SH3GL3: variants seen among roughly 807,000 people sequenced by gnomAD.
SH3GL3 encodes SH3 domain containing GRB2 like 3, endophilin A3, also known as endophilin-A3.
Under a neutral mutation model 47.7 loss-of-function variants are expected in SH3GL3, and 33 were observed. That is an observed-to-expected ratio of 0.69 (90% CI 0.52 to 0.92). The LOEUF is 0.92. Ranked by LOEUF, SH3GL3 falls within the 40% of genes least tolerant of loss-of-function variation. The pLI is 0.00. For missense variants in SH3GL3, 363 were observed against 417.8 expected (o/e 0.87, Z 1.14); for synonymous variants, 155 against 148.8 (o/e 1.04, Z -0.30).
chr15:83,475,380 G>A (rs911866043), intron 1 of SH3GL3, among the ~76,000 whole-genome samples: 2 of 152,012 alleles, frequency 1.3e-5, no homozygotes, highest in Non-Finnish European at 2.9e-5. Flanking sequence ...TCGGGAGGCC[G>A]AGACAGGAGA....
chr15:83,608,213 C>T (rs961246760), intron 8 of SH3GL3, among the ~76,000 whole-genome samples: 4 of 152,114 alleles, frequency 2.6e-5, no homozygotes, highest in Admixed American at 2.6e-4. Flanking sequence ...TGGATAAATA[C>T]AGGGCTGTTA....
intron 8 of SH3GL3, among the ~76,000 whole-genome samples, chr15:83,600,689 A>G (rs1383636476): frequency 2.0e-5 from 3 of 152,044 alleles, no homozygotes; most frequent in South Asian, 2.1e-4. Flanking sequence ...TTTTGGTTTC[A>G]TATGAATTTT....
downstream of SH3GL3, among the ~76,000 whole-genome samples, chr15:83,620,655 C>T (rs1374816739): frequency 6.6e-6 from 1 of 152,192 alleles, no homozygotes; most frequent in Non-Finnish European, 1.5e-5. Flanking sequence ...GGCTTTGTTC[C>T]ATTTATAGAG....
intron 1 of SH3GL3, among the ~76,000 whole-genome samples, chr15:83,486,977 C>T (rs1377964789): frequency 1.3e-5 from 2 of 152,154 alleles, no homozygotes; most frequent in Non-Finnish European, 2.9e-5. Context: ...ACTTGTCCCT[C>T]TTCTAAACCT....
intron 8 of SH3GL3, among the ~76,000 whole-genome samples, chr15:83,595,829 T>C (rs2060223871): frequency 6.6e-6 from 1 of 152,162 alleles, no homozygotes; most frequent in Non-Finnish European, 1.5e-5. Context: ...ATATAGAATT[T>C]GTAGTGATTT....
intron 1 of SH3GL3, among the ~76,000 whole-genome samples, chr15:83,457,001 C>G (rs574974272): frequency 1.3e-5 from 2 of 152,266 alleles, no homozygotes; most frequent in South Asian, 2.1e-4. Flanking sequence ...TGGTACCTCA[C>G]CAATAAAAAT....
chr15:83,475,266 C>T (rs1182346297), intron 1 of SH3GL3, among the ~76,000 whole-genome samples: 3 of 151,764 alleles, frequency 2.0e-5, no homozygotes, highest in African/African-American at 7.3e-5. Context: ...TCACATGAGG[C>T]CAGGAGTTCG....
chr15:83,628,728 CAGAGCG>C, the SH3GL3 span, among the ~76,000 whole-genome samples: 2 of 152,122 alleles, frequency 1.3e-5, no homozygotes, highest in African/African-American at 4.8e-5. Context: ...CCCTGGGTGA[CAGAGCG>C]AGACTCAGTC....
At chr15:83,525,640 G>T (rs1338231129) in intron 1 of SH3GL3, among the ~76,000 whole-genome samples, 1 of 152,058 alleles carries the variant, frequency 6.6e-6, no homozygotes. Context: ...TCTTCTGGTA[G>T]TTCATAGTTT....
At chr15:83,604,254 A>C (rs2060461591) in intron 8 of SH3GL3, among the ~76,000 whole-genome samples, 1 of 152,158 alleles carries the variant, frequency 6.6e-6, no homozygotes, top group South Asian at 2.1e-4. Flanking sequence ...TATTTGAGGA[A>C]ATGAGAACCC....
intron 8 of SH3GL3, 49 bp from the exon 9 acceptor site, chr15:83,618,033 T>TTTCC (rs757151064): frequency 1.6e-6 from 2 of 1,227,088 alleles, no homozygotes; most frequent in Non-Finnish European, 2.4e-6. Context: ...TTCCCATGGA[T>TTTCC]AATCCATCAT....
intron 8 of SH3GL3, among the ~76,000 whole-genome samples, chr15:83,615,115 A>G (rs1018552109): frequency 6.6e-6 from 1 of 152,158 alleles, no homozygotes; most frequent in Non-Finnish European, 1.5e-5. Flanking sequence ...AAGAAAAAAA[A>G]AAACTCCTAA....
intron 1 of SH3GL3, among the ~76,000 whole-genome samples, chr15:83,476,087 A>T (rs1274743411): frequency 1.3e-5 from 2 of 152,246 alleles, no homozygotes; most frequent in South Asian, 2.1e-4. Flanking sequence ...CTATCAAAAA[A>T]TAGTATAAAC....
chr15:83,568,609 G>A lies in SH3GL3; in HGVS notation c.268G>A (p.Glu90Lys). Reference sequence around the variant, plus strand: ...GAAGACCACAGGATACCCGCAGACGGAAGGCTTGCTGGGGGACTGTATGCT... The same window carrying A: ...GAAGACCACAGGATACCCGCAGACGAAAGGCTTGCTGGGGGACTGTATGCT... ...QVKTTGYPQTEGLLGDCMLKY... is the reference protein window; with the variant it reads ...QVKTTGYPQTKGLLGDCMLKY... Residue 90 changes from glutamate to lysine, a missense_variant, in exon 4 of 9, where the codon GAA becomes AAA. Coordinates refer to ENST00000427482, the MANE Select transcript of SH3GL3 (RefSeq NM_003027.5). 2 of 1,613,808 alleles carry A rather than the reference G, an allele frequency of 1.2e-6. No homozygotes were observed. Among genetic ancestry groups the A allele is most frequent in the Non-Finnish European group, 1.7e-6 (2 of 1,179,700 alleles).
intron 1 of SH3GL3, among the ~76,000 whole-genome samples, chr15:83,491,368 G>T (rs933593145): frequency 6.6e-6 from 1 of 152,192 alleles, no homozygotes; most frequent in African/African-American, 2.4e-5. Flanking sequence ...GGACTGAATT[G>T]TCCTCTGAAT....
the SH3GL3 span, among the ~76,000 whole-genome samples, chr15:83,632,903 C>T: frequency 5.5e-4 from 84 of 152,224 alleles, 1 homozygote; most frequent in East Asian, 1.9e-4. Context: ...TGGAGAGACA[C>T]GCCACAAAAG....
chr15:83,625,500 A>C, the SH3GL3 span, among the ~76,000 whole-genome samples: 3 of 152,162 alleles, frequency 2.0e-5, no homozygotes, highest in African/African-American at 7.2e-5. Context: ...ATGCAGCCAA[A>C]CCAGAGAAGG....
intron 1 of SH3GL3, among the ~76,000 whole-genome samples, chr15:83,460,235 A>C (rs771007176): frequency 6.6e-6 from 1 of 151,070 alleles, no homozygotes; most frequent in South Asian, 2.1e-4. Context: ...TAAGTAGCTG[A>C]GATTAAAGAC....
At chr15:83,501,875 A>G (rs751040191) in intron 1 of SH3GL3, among the ~76,000 whole-genome samples, 6 of 152,148 alleles carry the variant, frequency 3.9e-5, no homozygotes, top group Non-Finnish European at 7.4e-5. Context: ...TGGGCGACAG[A>G]GTGAGATTCC....
Sources: allele counts gnomAD v4.1 joint callset (sites outside exome capture counted in the v4.1 genomes callset), GRCh38; gene constraint gnomAD v4.1.1; transcripts MANE v1.5; gene names NCBI Gene and HGNC (gene_info 2026-07-23, HGNC 2026-07-21).